The following IGSF1 variants were observed in gnomAD, a reference collection of about 807,000 sequenced individuals.
The protein encoded by IGSF1 is immunoglobulin superfamily member 1, also known as immunoglobulin-like domain-containing protein 1.
In IGSF1, 40 loss-of-function variants were observed where a neutral mutation model predicts 95.3. That is an observed-to-expected ratio of 0.42 (90% confidence interval 0.33 to 0.55). The LOEUF is 0.55. IGSF1 is among the 20% of genes least tolerant of loss of function. The probability of loss-of-function intolerance (pLI) is 0.10; values close to 1 mark genes in which losing one functional copy is unlikely to be tolerated. For missense variants in IGSF1, 906 were observed against 1,025.4 expected (o/e 0.88, Z 1.59); for synonymous variants, 372 against 382.9 (o/e 0.97, Z 0.33).
intron 2 of IGSF1, 48 bp downstream of exon 2, chrX:131,286,557 G>A (rs371366567): frequency 2.5e-6 from 3 of 1,178,126 alleles, no homozygotes; most frequent in African/African-American, 3.5e-5. Flanking sequence ...CTAATGAGTG[G>A]GTACCTATGA....
chrX:131,285,539 C>G, intron 4 of IGSF1, 73 bp from the exon 5 acceptor site: 1 of 1,051,910 alleles, frequency 9.5e-7, no homozygotes, highest in East Asian at 3.1e-5. Context: ...GAGGAGAGCT[C>G]TACTTTAATT....
intron 1 of IGSF1, among the ~76,000 whole-genome samples, chrX:131,287,062 T>C: frequency 9.2e-6 from 1 of 108,433 alleles, no homozygotes; most frequent in Admixed American, 1.0e-4. Context: ...TATGCATATA[T>C]ATATATATAC....
Position 131,278,100 on chromosome X carries a change from G to A in IGSF1, c.2076C>T (p.Pro692=), listed in dbSNP as rs181850664. The A allele has an allele frequency of 8.3e-7, 1 of 1,209,065 alleles. No homozygotes were observed. Among genetic ancestry groups the A allele is most frequent in the Non-Finnish European group, 1.1e-6 (1 of 894,464 alleles). ...GTTGTAGTTCCTGGCCCCGGATTGT[G>A]GGGGAAGCAGAAATGACAGGTTTGG... ...ILPKPVISAS[P]TIRGQELQLR... is the part of the protein sequence containing the mutation. The change falls in exon 13 of 20, where the codon CCC becomes CCT. Residue 692 remains proline, a synonymous_variant. Transcript: ENST00000361420.
At position 131,277,034 on chromosome X, in the gene IGSF1, G is replaced by A. The variant is rs267606355; in HGVS notation, c.2513C>T (p.Ser838Leu). 3 of 1,210,404 alleles carry A rather than the reference G, an allele frequency of 2.5e-6. No individual in the cohort carries two copies. The highest frequency in any genetic ancestry group is 3.4e-6 in the Non-Finnish European group (3 of 894,770). The change falls in exon 14 of 20, where the codon TCG (serine) becomes TTG (leucine). Residue 838 changes from serine (S) to leucine (L), a missense_variant. Ser to Leu is a moderately radical substitution (Grantham distance 145). This residue lies in a region of IGSF1 where 411 missense variants were observed against 494.9 expected (regional missense o/e 0.83). Coordinates refer to ENST00000361420, the MANE Select transcript of IGSF1 (RefSeq NM_001555.5). ...GASAAHFLII[S>L]VGIGDGGNYS... ...ATTCCCTCCATCACCAATGCCCACC[G>A]AAATGATTAGAAAGTGAGCTGCACT...
In IGSF1 at chrX:131,281,203, G is replaced by T. The variant is rs775314176; in HGVS notation, c.1646+15C>A. ...TGTTAGGTTGGGGAACAGGGGGCTG[G>T]GACAAGACAGTTACCTGATTCTGAG... On this transcript the variant is annotated intron_variant, in intron 9 of 19. Transcript: ENST00000361420. 1 of 1,207,820 alleles carries T rather than the reference G, an allele frequency of 8.3e-7. No homozygotes were observed. The highest frequency in any genetic ancestry group is 1.1e-6 in the Non-Finnish European group (1 of 894,174).
In IGSF1 at chrX:131,278,629, G is replaced by T; in HGVS notation, c.1873C>A (p.Leu625Met). ...PSGSTKEFVL[L>M]KDGTGWIATR... is the part of the protein sequence containing the mutation. ...GCGATCCACCCGGTCCCATCCTTCA[G>T]CAACACAAACTCCTTAGTTGAGCCA... Residue 625 changes from leucine to methionine, a missense_variant, in exon 12 of 20, where the codon CTG becomes ATG. Coordinates refer to ENST00000361420, the MANE Select transcript of IGSF1 (RefSeq NM_001555.5). 8.3e-7 allele frequency: 1 copy of T among 1,211,632 alleles called. No homozygotes were observed.
Position 131,274,670 on chromosome X carries a change from C to G in IGSF1, c.3680G>C (p.Ser1227Thr). The G allele has an allele frequency of 8.3e-7, 1 of 1,211,643 alleles. No individual in the cohort carries two copies. The highest frequency in any genetic ancestry group is 2.3e-4 in the Middle Eastern group (1 of 4,354). Residue 1227 changes from serine to threonine, a missense_variant, in exon 18 of 20, where the codon AGC becomes ACC. Physicochemically the swap from Ser to Thr is moderately conservative, Grantham distance 58. Around this residue, in one of 5 missense-constraint regions of IGSF1, gnomAD observed 411 missense variants for 494.9 expected, o/e 0.83. Coordinates refer to ENST00000361420, the MANE Select transcript of IGSF1 (RefSeq NM_001555.5). Reference protein sequence around the residue: ...EGKGIGNYSCSYRLQAYPDIW... With the variant: ...EGKGIGNYSCTYRLQAYPDIW... ...ATCAGGGTAGGCCTGGAGGCGGTAG[C>G]TGCAGCTGTAGTTTCCAATGCCTTT...
intron 9 of IGSF1, among the ~76,000 whole-genome samples, chrX:131,280,313 G>C: frequency 9.0e-6 from 1 of 111,672 alleles, no homozygotes; most frequent in Admixed American, 9.5e-5. Flanking sequence ...GATTGCCCAA[G>C]TATTCTGTCC....
intron 9 of IGSF1, among the ~76,000 whole-genome samples, chrX:131,280,396 C>A (rs1345578294): frequency 1.8e-5 from 2 of 111,525 alleles, no homozygotes; most frequent in Non-Finnish European, 3.8e-5. Flanking sequence ...TACTTCCAGA[C>A]ACACTGACCA....
chrX:131,288,159 T>C (rs2080668142), intron 1 of IGSF1, among the ~76,000 whole-genome samples: 1 of 112,494 alleles, frequency 8.9e-6, no homozygotes, highest in South Asian at 3.7e-4. Context: ...ATTTTCAGAT[T>C]ACCCACTCTG....
chrX:131,274,231 CGAGGCCATG>C (rs757706908), intron 18 of IGSF1, 25 bp from the exon 19 acceptor site: 1 of 1,209,468 alleles, frequency 8.3e-7, no homozygotes, highest in Non-Finnish European at 1.1e-6. Context: ...GAGGAGAAAC[CGAGGCCATG>C]GAGATTAGCG....
intron 11 of IGSF1, 58 bp downstream of exon 11, chrX:131,279,085 T>C: frequency 9.2e-7 from 1 of 1,091,002 alleles, no homozygotes; most frequent in Non-Finnish European, 1.3e-6. Flanking sequence ...ACTGACGCTC[T>C]GTAGTTATTT....
Position 131,278,457 on chromosome X carries a change from T to G in IGSF1, c.2041+4A>C, listed in dbSNP as rs2080508532. The G allele has an allele frequency of 8.5e-7, 1 of 1,180,559 alleles. No individual in the cohort carries two copies. Among genetic ancestry groups the G allele is most frequent in the South Asian group, 1.9e-5 (1 of 52,892 alleles). ...ACTCCCGGAGACCCTCTACATTTTCTTACCTGTCCCCACCAGCTCAAGTGC... is the reference window on the plus strand; with the variant it reads ...ACTCCCGGAGACCCTCTACATTTTCGTACCTGTCCCCACCAGCTCAAGTGC... On this transcript the variant is annotated splice_donor_region_variant and intron_variant, in intron 12 of 19. Coordinates refer to ENST00000361420, the MANE Select transcript of IGSF1 (RefSeq NM_001555.5).
chrX:131,275,385 TCTC>T (rs2080461543), intron 16 of IGSF1, 90 bp downstream of exon 16: 2 of 1,132,425 alleles, frequency 1.8e-6, no homozygotes, highest in Admixed American at 2.3e-5. Flanking sequence ...ATTGGTTGCC[TCTC>T]CTCGAGCTCT....
rs2124101082 is a variant in IGSF1, at chrX:131,279,166, T to C, written c.1727A>G (p.Asn576Ser). 2 of 1,210,775 alleles carry C rather than the reference T, an allele frequency of 1.7e-6. No individual in the cohort carries two copies. Among genetic ancestry groups the C allele is most frequent in the South Asian group, 1.8e-5 (1 of 56,956 alleles). ...ACCAGTCTCTTCTATCAATACCCCA[T>C]TGCACAGTCCTGCAAAAGAAATTGC... is the stretch of plus-strand genomic sequence containing the variant. ...VTALLCCGLCNGVLIEETEIV... is the reference protein window; with the variant it reads ...VTALLCCGLCSGVLIEETEIV... Residue 576 changes from asparagine (N) to serine (S), a missense_variant, in exon 11 of 20, where the codon AAT becomes AGT. Around this residue, in one of 5 missense-constraint regions of IGSF1, gnomAD observed 442 missense variants for 448.1 expected, o/e 0.99. Transcript: ENST00000361420.
intron 14 of IGSF1, 41 bp downstream of exon 14, chrX:131,276,898 C>A: frequency 8.6e-7 from 1 of 1,169,206 alleles, no homozygotes. Flanking sequence ...CCCACCATCC[C>A]AGGGTTGGCA....
Position 131,283,256 on chromosome X carries a change from G to C in IGSF1, c.676C>G (p.Pro226Ala). The C allele has an allele frequency of 6.7e-6, 8 of 1,201,449 alleles. No homozygotes were observed. The highest frequency in any genetic ancestry group is 9.0e-6 in the Non-Finnish European group (8 of 888,190). Residue 226 changes from proline to alanine, a missense_variant, in exon 6 of 20, where the codon CCC becomes GCC. Transcript: ENST00000361420. ...GGATGGGCTGTCAAAGTTGGTTTGG[G>C]GTAGAGTCCTACAAACGGAAGAGAC... ...PLKLVVAGLY[P>A]KPTLTAHPGP...
chrX:131,278,341 T>C (rs764009312), intron 12 of IGSF1, 120 bp downstream of exon 12: 7 of 538,399 alleles, frequency 1.3e-5, no homozygotes, highest in Non-Finnish European at 2.0e-5. Flanking sequence ...CTCTCCTACA[T>C]GCAGCACGAG....
chrX:131,279,585 A>G (rs1395483943), intron 9 of IGSF1, among the ~76,000 whole-genome samples: 4 of 103,864 alleles, frequency 3.9e-5, no homozygotes, highest in East Asian at 3.0e-4. Context: ...TCCGCAGCCT[A>G]TATCATATGT....
Sources: allele counts gnomAD v4.1 joint callset (sites outside exome capture counted in the v4.1 genomes callset), GRCh38; gene constraint gnomAD v4.1.1; regional missense constraint gnomAD v4.1.1; transcripts MANE v1.5; gene names NCBI Gene and HGNC (gene_info 2026-07-23, HGNC 2026-07-21).